Variants in SEMA5B observed in about 807,000 individuals in gnomAD.
SEMA5B encodes semaphorin 5B.
SEMA5B carries 66 observed loss-of-function variants against 135.0 expected under a neutral mutation model. That is an observed-to-expected ratio of 0.49 (90% CI 0.40 to 0.60). The LOEUF is 0.60. Among genes scored for constraint, SEMA5B ranks in the 20% least tolerant of loss-of-function variants. The pLI is 0.00. For missense variants in SEMA5B, 1,501 were observed against 1,566.3 expected, an observed-to-expected ratio of 0.96 and a Z score of 0.70; for synonymous variants, 690 against 639.5, an observed-to-expected ratio of 1.08 and a Z score of -1.19.
At chr3:122,967,956 C>T (rs547092006) in intron 1 of SEMA5B, among the ~76,000 whole-genome samples, 19 of 152,264 alleles carry the variant, frequency 1.2e-4, no homozygotes, top group African/African-American at 3.9e-4. Flanking sequence ...GACCATGCAC[C>T]GGGCCCAGCC....
chr3:122,931,183 C>T (rs1938955870), intron 5 of SEMA5B, among the ~76,000 whole-genome samples: 1 of 152,178 alleles, frequency 6.6e-6, no homozygotes, highest in Non-Finnish European at 1.5e-5. Context: ...GGACAACCAC[C>T]TTCACCTCTT....
chr3:122,941,840 G>A (rs6803981), intron 4 of SEMA5B, among the ~76,000 whole-genome samples: 38,103 of 152,244 alleles, frequency 0.25, 4,839 homozygotes, highest in East Asian at 0.33. Flanking sequence ...AGCCTTGGGG[G>A]AAACTGGGTG....
Position 122,913,519 on chromosome 3 carries a change from G to C in SEMA5B, c.2280+15C>G, listed in dbSNP as rs779099734. The C allele has an allele frequency of 1.2e-6, 2 of 1,605,918 alleles. No individual in the cohort carries two copies. The highest frequency in any genetic ancestry group is 2.7e-5 in the African/African-American group (2 of 74,842). On this transcript the variant is annotated intron_variant, in intron 16 of 22. Transcript: ENST00000357599. ...ACCCTACACCGCGCCCCTGGCCCAC[G>C]GCCCCAACCCTCACCACGCCGCAGC...
intron 1 of SEMA5B, among the ~76,000 whole-genome samples, chr3:122,963,503 AAGAAAAAG>A (rs1371949010): frequency 1.5e-5 from 2 of 129,860 alleles, no homozygotes; most frequent in African/African-American, 6.1e-5. Flanking sequence ...AAAAAAAAAA[AAGAAAAAG>A]AAAAAGAAAA....
chr3:122,989,367 G>A (rs1941801121), intron 1 of SEMA5B, among the ~76,000 whole-genome samples: 1 of 152,202 alleles, frequency 6.6e-6, no homozygotes, highest in East Asian at 1.9e-4. Flanking sequence ...AAGGTCCCAA[G>A]TGCAGAGCTG....
intron 1 of SEMA5B, chr3:122,992,770 T>G (rs1941917633): frequency 6.6e-6 from 1 of 152,238 alleles, no homozygotes. Context: ...AAGGGACATG[T>G]GTCCAAGTAC....
At chr3:122,928,375 C>G (rs1938759212) in intron 7 of SEMA5B, 142 bp downstream of exon 7, 2 of 611,490 alleles carry the variant, frequency 3.3e-6, no homozygotes, top group African/African-American at 3.7e-5. Context: ...ATCTGAACTC[C>G]AAATCTAACT....
chr3:122,926,159 T>C (rs1938618154), intron 9 of SEMA5B, among the ~76,000 whole-genome samples: 1 of 152,212 alleles, frequency 6.6e-6, no homozygotes, highest in South Asian at 2.1e-4. Context: ...TGTTCCTCCT[T>C]CATGCAGCCT....
chr3:122,987,693 A>C (rs941270415), intron 1 of SEMA5B, among the ~76,000 whole-genome samples: 2 of 152,144 alleles, frequency 1.3e-5, no homozygotes, highest in South Asian at 4.1e-4. Context: ...TGTATTGGTC[A>C]CTGGATTGCA....
intron 1 of SEMA5B, among the ~76,000 whole-genome samples, chr3:122,963,599 G>C (rs1273419075): frequency 6.6e-6 from 1 of 152,178 alleles, no homozygotes; most frequent in African/African-American, 2.4e-5. Flanking sequence ...TGGCCTGAAA[G>C]AGGTTAAAAG....
At chr3:122,923,933 G>T (rs1938499660) in intron 9 of SEMA5B, among the ~76,000 whole-genome samples, 181 bp from the exon 10 acceptor site, 1 of 151,996 alleles carries the variant, frequency 6.6e-6, no homozygotes, top group Admixed American at 6.5e-5. Context: ...AAACCCCCTG[G>T]GAACGACCCA....
At chr3:122,910,654 C>CA (rs1461110680) in intron 22 of SEMA5B, among the ~76,000 whole-genome samples, 186 bp downstream of exon 22, 1 of 151,700 alleles carries the variant, frequency 6.6e-6, no homozygotes, top group Non-Finnish European at 1.5e-5. Context: ...ACTAAAAATA[C>CA]AAAAAATTAG....
intron 1 of SEMA5B, among the ~76,000 whole-genome samples, chr3:122,966,577 C>G (rs942868877): frequency 1.4e-5 from 2 of 139,004 alleles, no homozygotes; most frequent in East Asian, 2.0e-4. Flanking sequence ...TTTTTTGAGA[C>G]GGAGTCTCGC....
chr3:122,910,873 C>G lies in SEMA5B; in HGVS notation c.3264G>C (p.Pro1088=). 1 of 1,611,464 alleles carries G rather than the reference C, an allele frequency of 6.2e-7. No individual in the cohort carries two copies. Among genetic ancestry groups the G allele is most frequent in the Non-Finnish European group, 8.5e-7 (1 of 1,179,460 alleles). Residue 1088 remains proline (P), a synonymous_variant, in exon 22 of 23, where the codon CCG becomes CCC. Transcript: ENST00000357599. ...NHLHYKGGGT[P]KNEKYTPMEF... ...CCATGGGTGTGTACTTTTCATTCTTCGGGGTGCCTCCGCCCTTGTAGTGCA... is the reference window on the plus strand; with the variant it reads ...CCATGGGTGTGTACTTTTCATTCTTGGGGGTGCCTCCGCCCTTGTAGTGCA...
chr3:122,987,710 C>T (rs1056490362), intron 1 of SEMA5B, among the ~76,000 whole-genome samples: 2 of 152,268 alleles, frequency 1.3e-5, no homozygotes, highest in Non-Finnish European at 2.9e-5. Flanking sequence ...TGCACACATA[C>T]CTCTGCAGCC....
rs150522022 is a variant in SEMA5B, at chr3:122,922,403, C to T, written c.1317G>A (p.Glu439=). 398 of 1,611,110 alleles carry T rather than the reference C, an allele frequency of 2.5e-4. 3 individuals carry two copies. In the Middle Eastern group the frequency reaches 2.5e-3, roughly 10 times the overall value. Residue 439 remains glutamate, a synonymous_variant, in exon 11 of 23, where the codon GAG becomes GAA. Transcript: ENST00000357599. ...GGCGCTGCGCGTCCTGCAGGCTGCGCTCCGTCAGGTTCTCGTTGGGACCGG... is the reference window on the plus strand; with the variant it reads ...GGCGCTGCGCGTCCTGCAGGCTGCGTTCCGTCAGGTTCTCGTTGGGACCGG... The part of the protein sequence containing the change: ...PETGPNENLT[E]RSLQDAQRLF...
intron 1 of SEMA5B, among the ~76,000 whole-genome samples, chr3:123,007,141 T>A (rs1942335042): frequency 6.6e-6 from 1 of 152,098 alleles, no homozygotes; most frequent in Non-Finnish European, 1.5e-5. Flanking sequence ...TCCCCTGACC[T>A]CCCAACACCT....
intron 1 of SEMA5B, among the ~76,000 whole-genome samples, chr3:123,025,360 T>C (rs59396266): frequency 0.013 from 2,054 of 152,258 alleles, 67 homozygotes; most frequent in African/African-American, 0.047. Flanking sequence ...CCTCTCCATG[T>C]TCTCCCTCCC....
intron 1 of SEMA5B, among the ~76,000 whole-genome samples, chr3:122,966,761 T>C (rs1288313155): frequency 1.3e-5 from 2 of 150,278 alleles, no homozygotes; most frequent in Admixed American, 6.6e-5. Context: ...GGTTTCACCA[T>C]GTTAGCCAGG....
Sources: gnomAD v4.1 joint callset for allele counts (sites outside exome capture counted in the v4.1 genomes callset) on GRCh38, gnomAD v4.1.1 for gene constraint, MANE v1.5 for transcripts, NCBI Gene and HGNC (gene_info 2026-07-23, HGNC 2026-07-21) for gene names.